Variants in KRIT1 observed in about 807,000 individuals in gnomAD.
The protein encoded by KRIT1 is KRIT1 ankyrin repeat containing.
KRIT1 carries 45 observed loss-of-function variants against 95.8 expected under a neutral mutation model. That is an observed-to-expected ratio of 0.47 (90% CI 0.37 to 0.60). The LOEUF (loss-of-function observed/expected upper bound fraction) is 0.60, where lower values mean the gene tolerates loss of function less well. Ranked by LOEUF, KRIT1 falls within the 20% of genes least tolerant of loss-of-function variation. The pLI is 0.00. For missense variants in KRIT1, 788 were observed against 877.5 expected, an observed-to-expected ratio of 0.90 and a Z score of 1.29; for synonymous variants, 282 against 278.8, an observed-to-expected ratio of 1.01 and a Z score of -0.11.
At chr7:92,232,430 T>G (rs1210934339) in intron 10 of KRIT1, among the ~76,000 whole-genome samples, 1 of 151,942 alleles carries the variant, frequency 6.6e-6, no homozygotes, top group South Asian at 2.1e-4. Flanking sequence ...GAAACATAGG[T>G]ACATTCCAAA....
At chr7:92,221,192 T>A (rs1795068952) in intron 14 of KRIT1, among the ~76,000 whole-genome samples, 2 of 152,080 alleles carry the variant, frequency 1.3e-5, no homozygotes, top group Non-Finnish European at 2.9e-5. Flanking sequence ...TCCCAGCCCT[T>A]TGGGAGGCCA....
At chr7:92,235,694 T>G in intron 7 of KRIT1, 48 bp from the exon 8 acceptor site, 1 of 1,594,806 alleles carries the variant, frequency 6.3e-7, no homozygotes, top group Non-Finnish European at 8.6e-7. Context: ...AAAGTGAAGA[T>G]GAAAAAGATA....
intron 14 of KRIT1, among the ~76,000 whole-genome samples, chr7:92,218,463 C>T (rs1328500875): frequency 1.3e-5 from 2 of 151,808 alleles, no homozygotes; most frequent in South Asian, 2.1e-4. Flanking sequence ...TCATTGTAAC[C>T]TCTCCCTCCC....
At chr7:92,218,095 C>T (rs1229200989) in intron 14 of KRIT1, among the ~76,000 whole-genome samples, 1 of 152,082 alleles carries the variant, frequency 6.6e-6, no homozygotes, top group African/African-American at 2.4e-5. Context: ...CTCTTTCATC[C>T]AGCCTAGAGT....
chr7:92,235,834 C>CA (rs1798336625), intron 7 of KRIT1, 188 bp from the exon 8 acceptor site: 2 of 529,896 alleles, frequency 3.8e-6, no homozygotes, highest in South Asian at 2.2e-5. Context: ...ATTTTTTTAA[C>CA]AAAAAAACAT....
chr7:92,214,863 A>G (rs1793630312), intron 14 of KRIT1, 86 bp from the exon 15 acceptor site: 1 of 907,156 alleles, frequency 1.1e-6, no homozygotes, highest in Non-Finnish European at 1.8e-6. Flanking sequence ...CAAAAGCTAC[A>G]TATTTGTATA....
intron 17 of KRIT1, among the ~76,000 whole-genome samples, chr7:92,210,794 A>G (rs889305285): frequency 4.6e-5 from 7 of 152,238 alleles, no homozygotes; most frequent in African/African-American, 1.7e-4. Context: ...TAGACTAGGG[A>G]CTAATATCCA....
At chr7:92,211,582 T>C (rs1364234064) in intron 17 of KRIT1, among the ~76,000 whole-genome samples, 1 of 152,110 alleles carries the variant, frequency 6.6e-6, no homozygotes, top group Non-Finnish European at 1.5e-5. Flanking sequence ...AATGAATAAG[T>C]TGCCGTGTTT....
intron 17 of KRIT1, among the ~76,000 whole-genome samples, chr7:92,202,548 A>G (rs1299906711): frequency 6.6e-6 from 1 of 152,184 alleles, no homozygotes; most frequent in Non-Finnish European, 1.5e-5. Flanking sequence ...AGAAGCATTC[A>G]GTTTCTATAA....
chr7:92,223,315 G>A (rs1795535461), intron 12 of KRIT1, among the ~76,000 whole-genome samples: 1 of 150,048 alleles, frequency 6.7e-6, no homozygotes, highest in Non-Finnish European at 1.5e-5. Flanking sequence ...CGTGGTGGCA[G>A]GCACCTGTAG....
chr7:92,210,179 TAAAAAA>T (rs373241584), intron 17 of KRIT1, among the ~76,000 whole-genome samples: 2 of 150,744 alleles, frequency 1.3e-5, no homozygotes, highest in African/African-American at 2.4e-5. Context: ...TTTACAGAAA[TAAAAAA>T]AAATTCTAAA....
At chr7:92,223,128 T>TA (rs1168838928) in intron 12 of KRIT1, 150 bp from the exon 13 acceptor site, 1 of 675,692 alleles carries the variant, frequency 1.5e-6, no homozygotes, top group East Asian at 2.7e-5. Context: ...CTGTTGGTGA[T>TA]ATTTTAAAAA....
At chr7:92,223,611 A>T (rs1053431219) in intron 12 of KRIT1, among the ~76,000 whole-genome samples, 1 of 152,194 alleles carries the variant, frequency 6.6e-6, no homozygotes, top group African/African-American at 2.4e-5. Context: ...TAATGTAAAT[A>T]TCATAACGAG....
intron 12 of KRIT1, among the ~76,000 whole-genome samples, chr7:92,223,792 C>G (rs192379887): frequency 6.6e-6 from 1 of 152,066 alleles, no homozygotes; most frequent in Non-Finnish European, 1.5e-5. Flanking sequence ...AGTTTCCTTC[C>G]CCCAGTTTAG....
At chr7:92,242,500 T>A (rs1007355164) in intron 3 of KRIT1, among the ~76,000 whole-genome samples, 2 of 152,148 alleles carry the variant, frequency 1.3e-5, no homozygotes, top group Non-Finnish European at 2.9e-5. Flanking sequence ...AAATAACTTG[T>A]AAATAATGAC....
Position 92,213,914 on chromosome 7 carries a change from T to C in KRIT1, c.1796A>G (p.Asn599Ser), listed in dbSNP as rs954641073. Residue 599 changes from asparagine (N) to serine (S), a missense_variant, in exon 16 of 19, where the codon AAT becomes AGT. Asn to Ser is a conservative substitution (Grantham distance 46). Coordinates refer to ENST00000394505, the MANE Select transcript of KRIT1 (RefSeq NM_194454.3). The part of the protein sequence containing the change: ...KLKSKAPHWT[N>S]RILHEYKNLS... Reference sequence around the variant, plus strand: ...TACCTTGTATTCATGAAGTATGCGATTTGTCCAGTGAGGTGCCTTACTTTT... The same window carrying C: ...TACCTTGTATTCATGAAGTATGCGACTTGTCCAGTGAGGTGCCTTACTTTT... 1.2e-6 allele frequency: 2 copies of C among 1,606,420 alleles called. No homozygotes were observed. The highest frequency in any genetic ancestry group is 1.7e-6 in the Non-Finnish European group (2 of 1,173,146).
chr7:92,235,836 A>T (rs1798337295), intron 7 of KRIT1, 190 bp from the exon 8 acceptor site: 2 of 525,724 alleles, frequency 3.8e-6, no homozygotes, highest in African/African-American at 3.8e-5. Context: ...TTTTTTAACA[A>T]AAAAACATGC....
chr7:92,223,045 TC>T (rs1027839838), intron 12 of KRIT1, 67 bp from the exon 13 acceptor site: 251 of 966,970 alleles, frequency 2.6e-4, no homozygotes, highest in South Asian at 8.2e-4. Context: ...CAAGATACTT[TC>T]CTTCAACTTC....
chr7:92,214,018 C>G (rs1793429497), intron 15 of KRIT1, 39 bp from the exon 16 acceptor site: 1 of 1,165,608 alleles, frequency 8.6e-7, no homozygotes, highest in African/African-American at 1.5e-5. Flanking sequence ...AATAAATCAT[C>G]TTTAGTAGCT....
Sources: allele counts gnomAD v4.1 joint callset (sites outside exome capture counted in the v4.1 genomes callset), GRCh38; gene constraint gnomAD v4.1.1; transcripts MANE v1.5; gene names NCBI Gene and HGNC (gene_info 2026-07-23, HGNC 2026-07-21).